ZNF407: variants seen among roughly 807,000 people sequenced by gnomAD.
The protein encoded by ZNF407 is zinc finger protein 407.
In ZNF407, 17 loss-of-function variants were observed where a neutral mutation model predicts 131.2. The ratio of observed to expected loss-of-function variants is 0.13; its 90% CI spans 0.09 to 0.19. ZNF407 has a LOEUF of 0.19. ZNF407 is among the 10% of genes least tolerant of loss of function. The pLI is 1.00. For synonymous variants in ZNF407, 1,156 were observed against 1,062.0 expected (o/e 1.09, Z -1.72); for missense variants, 2,681 against 2,830.6 (o/e 0.95, Z 1.20).
At chr18:74,598,460 C>G (rs970271845) in intron 1 of ZNF407, 2 of 152,354 alleles carry the variant, frequency 1.3e-5, no homozygotes, top group Non-Finnish European at 2.9e-5. Context: ...AGATGCTCCC[C>G]TAGCTGCACA....
Position 74,994,786 on chromosome 18 carries a change from G to A in ZNF407, c.5429-68364G>A, listed in dbSNP as rs544075205. On this transcript the variant is annotated intron_variant, in intron 8 of 8. Coordinates refer to ENST00000299687, the MANE Select transcript of ZNF407 (RefSeq NM_017757.3). ...TAGATGATGGAAAGGGCCGGGGAGG[G>A]CACTCGTGGGCAGTGAGCGGCCACA... 1.4e-3 allele frequency among the ~76,000 whole-genome samples: 215 copies of A among 152,308 alleles called. 2 individuals carry two copies. The highest frequency in any genetic ancestry group is 4.4e-3 in the African/African-American group (184 of 41,572).
chr18:74,812,502 T>C (rs1490533492), intron 4 of ZNF407, among the ~76,000 whole-genome samples: 2 of 152,198 alleles, frequency 1.3e-5, no homozygotes, highest in African/African-American at 4.8e-5. Context: ...CCACCACTTC[T>C]GCTTTTATGA....
chr18:74,638,333 G>A (rs1049662279), intron 2 of ZNF407, among the ~76,000 whole-genome samples: 5 of 152,064 alleles, frequency 3.3e-5, no homozygotes, highest in African/African-American at 7.2e-5. Flanking sequence ...GTTGGCTCTT[G>A]GTATATCTTG....
chr18:74,910,301 G>A (rs1971651874), intron 7 of ZNF407, among the ~76,000 whole-genome samples: 1 of 151,992 alleles, frequency 6.6e-6, no homozygotes, highest in Non-Finnish European at 1.5e-5. Context: ...AAAATAATAG[G>A]TTAACTTAAA....
At chr18:74,676,708 A>G (rs558771325) in intron 3 of ZNF407, among the ~76,000 whole-genome samples, 1 of 152,160 alleles carries the variant, frequency 6.6e-6, no homozygotes, top group East Asian at 1.9e-4. Flanking sequence ...TGCTGGGATT[A>G]CAGACGTGAG....
intron 8 of ZNF407, among the ~76,000 whole-genome samples, chr18:74,932,942 A>C (rs939587535): frequency 6.6e-6 from 1 of 152,214 alleles, no homozygotes; most frequent in Non-Finnish European, 1.5e-5. Context: ...TGCGCTGCTG[A>C]AGCGAATGTA....
chr18:74,779,111 T>TATA (rs1599146570), intron 3 of ZNF407, among the ~76,000 whole-genome samples: 13 of 13,408 alleles, frequency 9.7e-4, no homozygotes, highest in African/African-American at 2.2e-3. Flanking sequence ...ATATATATAT[T>TATA]TTTTTTTTTT....
intron 8 of ZNF407, among the ~76,000 whole-genome samples, chr18:74,948,401 T>C (rs149530286): frequency 8.5e-5 from 13 of 152,346 alleles, no homozygotes; most frequent in Non-Finnish European, 1.6e-4. Flanking sequence ...ATGTTCCAGA[T>C]TGCTAGTTTT....
intron 3 of ZNF407, among the ~76,000 whole-genome samples, chr18:74,779,348 T>C (rs139419437): frequency 0.046 from 6,929 of 151,602 alleles, 219 homozygotes; most frequent in Middle Eastern, 0.088. Flanking sequence ...TCTCCCGACC[T>C]TGTGATCCAC....
intron 8 of ZNF407, among the ~76,000 whole-genome samples, chr18:74,939,193 C>T (rs1258470445): frequency 6.6e-6 from 1 of 152,130 alleles, no homozygotes; most frequent in East Asian, 1.9e-4. Context: ...ACAATATCCT[C>T]TAGACATTTA....
At chr18:74,898,723 A>AT (rs1160093399) in intron 7 of ZNF407, among the ~76,000 whole-genome samples, 14 of 152,246 alleles carry the variant, frequency 9.2e-5, no homozygotes, top group African/African-American at 3.4e-4. Context: ...TTGACATGGT[A>AT]TTTTCTTTCA....
intron 4 of ZNF407, among the ~76,000 whole-genome samples, chr18:74,856,599 A>G (rs962241918): frequency 4.6e-5 from 7 of 152,204 alleles, no homozygotes; most frequent in South Asian, 2.1e-4. Context: ...AGCTGCCAGC[A>G]AATCTAAAGT....
intron 4 of ZNF407, among the ~76,000 whole-genome samples, chr18:74,831,243 C>G (rs574686454): frequency 2.0e-5 from 3 of 152,262 alleles, no homozygotes; most frequent in African/African-American, 7.2e-5. Flanking sequence ...CATAGGAGTA[C>G]AGGCATTTCT....
intron 4 of ZNF407, among the ~76,000 whole-genome samples, chr18:74,837,046 G>A (rs1270583197): frequency 6.6e-6 from 1 of 152,164 alleles, no homozygotes. Context: ...TCATTTTCCT[G>A]AGGATAAATA....
intron 3 of ZNF407, among the ~76,000 whole-genome samples, chr18:74,695,382 C>G (rs1967327308): frequency 6.6e-6 from 1 of 152,164 alleles, no homozygotes; most frequent in Admixed American, 6.5e-5. Flanking sequence ...CTTGTTAGAA[C>G]AAGTGCTAAA....
chr18:74,985,984 G>A (rs890788939), intron 8 of ZNF407, among the ~76,000 whole-genome samples: 1 of 152,142 alleles, frequency 6.6e-6, no homozygotes, highest in Admixed American at 6.5e-5. Context: ...ATTTCTTGTT[G>A]ACTGGCTCAT....
chr18:74,727,855 G>C (rs1398605559), intron 3 of ZNF407, among the ~76,000 whole-genome samples: 2 of 152,178 alleles, frequency 1.3e-5, no homozygotes, highest in African/African-American at 4.8e-5. Context: ...GAGTAGAGTG[G>C]CTCAGACAAG....
intron 8 of ZNF407, among the ~76,000 whole-genome samples, chr18:74,951,170 T>G (rs895408357): frequency 1.1e-4 from 16 of 152,210 alleles, no homozygotes; most frequent in African/African-American, 2.7e-4. Flanking sequence ...AATGTTCAAA[T>G]GTACTGAACT....
In ZNF407 at chr18:74,933,542, A is replaced by T. The variant is rs190318639; in HGVS notation, c.5428+12850A>T. Among the ~76,000 whole-genome samples, 4 of 152,334 alleles carry T rather than the reference A, an allele frequency of 2.6e-5. No individual in the cohort carries two copies. In the East Asian group the frequency reaches 7.7e-4, roughly 29 times the overall value. ...AAATGTCCACATAAAACTGATTAGG[A>T]TGGTAACTTTTATGTATGGTTTACC... On this transcript the variant is annotated intron_variant, in intron 8 of 8. Transcript: ENST00000299687.
Sources: gnomAD v4.1 joint callset for allele counts (sites outside exome capture counted in the v4.1 genomes callset) on GRCh38, gnomAD v4.1.1 for gene constraint, MANE v1.5 for transcripts, NCBI Gene and HGNC (gene_info 2026-07-23, HGNC 2026-07-21) for gene names.